Variants in RAB11FIP3 observed in about 807,000 individuals in gnomAD.
The protein encoded by RAB11FIP3 is RAB11 family interacting protein 3, also known as rab11 family-interacting protein 3.
In RAB11FIP3, 17 loss-of-function variants were observed where a neutral mutation model predicts 77.8. The ratio of observed to expected loss-of-function variants is 0.22; its 90% CI spans 0.15 to 0.33. The LOEUF is 0.33. RAB11FIP3 is among the 10% of genes least tolerant of loss of function. The pLI, the probability that RAB11FIP3 is intolerant of heterozygous loss-of-function variation, is 1.00. For synonymous variants in RAB11FIP3, 437 were observed against 448.2 expected, an observed-to-expected ratio of 0.98 and a Z score of 0.31; for missense variants, 1,005 against 1,011.2, an observed-to-expected ratio of 0.99 and a Z score of 0.08.
chr16:461,738 C>T lies in RAB11FIP3; in HGVS notation c.808+241C>T, dbSNP rs1212499471. Among the ~76,000 whole-genome samples, 1 of 152,100 alleles carries T rather than the reference C, an allele frequency of 6.6e-6. No individual in the cohort carries two copies. Among genetic ancestry groups the T allele is most frequent in the Non-Finnish European group, 1.5e-5 (1 of 68,030 alleles). On this transcript the variant is annotated intron_variant, in intron 2 of 13. Coordinates refer to ENST00000262305, the MANE Select transcript of RAB11FIP3 (RefSeq NM_014700.4). The surrounding 1 kb of genome is among the most constrained non-coding windows in gnomAD (Gnocchi z 4.5). ...TTCCATAATGCTAGAAAGCAACTGC[C>T]CCCTTCCTCAAAGATTTCATGATGA...
intron 5 of RAB11FIP3, 146 bp downstream of exon 5, chr16:489,146 A>T: frequency 2.1e-6 from 2 of 950,566 alleles, no homozygotes; most frequent in Non-Finnish European, 1.5e-6. Context: ...CAAACATTTT[A>T]AATTTATACC....
At chr16:489,163 T>A in intron 5 of RAB11FIP3, 163 bp downstream of exon 5, 1 of 884,114 alleles carries the variant, frequency 1.1e-6, no homozygotes, top group Non-Finnish European at 1.6e-6. Flanking sequence ...TACCTGGATT[T>A]ATGAAAGTTG....
chr16:441,350 C>G (rs2055223555), intron 1 of RAB11FIP3, among the ~76,000 whole-genome samples: 1 of 152,178 alleles, frequency 6.6e-6, no homozygotes, highest in Non-Finnish European at 1.5e-5. Flanking sequence ...CACGATTAAA[C>G]AAACCCATGC....
At chr16:491,406 C>T (rs1210328409) in intron 5 of RAB11FIP3, 1 of 892,344 alleles carries the variant, frequency 1.1e-6, no homozygotes, top group Non-Finnish European at 1.5e-6. Flanking sequence ...GCCCCGCCTC[C>T]CACCCTGCAC....
chr16:432,082 C>A (rs2055046581), intron 1 of RAB11FIP3, among the ~76,000 whole-genome samples: 1 of 151,758 alleles, frequency 6.6e-6, no homozygotes, highest in South Asian at 2.1e-4. Context: ...TATAGATGTT[C>A]ATTGTTTTAA....
chr16:520,723 C>T lies in RAB11FIP3; in HGVS notation c.2158-3C>T, dbSNP rs371860609. 5.0e-6 allele frequency: 8 copies of T among 1,613,432 alleles called. No homozygotes were observed. The highest frequency in any genetic ancestry group is 1.7e-5 in the Admixed American group (1 of 60,004). ...CAGCTCTGACCACCTGCTTGCCCTA[C>T]AGCTCATGGAGGCGATTCAGAAGCA... On this transcript the variant is annotated splice_region_variant and splice_polypyrimidine_tract_variant and intron_variant, in intron 13 of 13. Coordinates refer to ENST00000262305, the MANE Select transcript of RAB11FIP3 (RefSeq NM_014700.4).
Position 450,505 on chromosome 16 carries a change from T to C in RAB11FIP3, c.715-10899T>C, listed in dbSNP as rs148728896. Among the ~76,000 whole-genome samples, 710 of 152,324 alleles carry C rather than the reference T, an allele frequency of 4.7e-3. 2 individuals are homozygous for C. Among genetic ancestry groups the C allele is most frequent in the African/African-American group, 0.016 (670 of 41,562 alleles). On this transcript the variant is annotated intron_variant, in intron 1 of 13. Coordinates refer to ENST00000262305, the MANE Select transcript of RAB11FIP3 (RefSeq NM_014700.4). ...AAGTATTGGATAACTTTTTAGTTTCTTTTTCTTCCTCCTTTACTTCCGCTC... is the reference window on the plus strand; with the variant it reads ...AAGTATTGGATAACTTTTTAGTTTCCTTTTCTTCCTCCTTTACTTCCGCTC...
Position 510,775 on chromosome 16 carries a change from A to T in RAB11FIP3, c.1615A>T (p.Ile539Phe). ...LLCKMEREKS[I>F]EIENLQTRLQ... The stretch of plus-strand genomic sequence containing the variant: ...GTGCAAGATGGAGAGGGAGAAGAGC[A>T]TTGAGATCGAGAACCTGCAGACCAG... Residue 539 changes from isoleucine (I) to phenylalanine (F), a missense_variant, in exon 9 of 14, where the codon ATT becomes TTT. Physicochemically the swap from Ile to Phe is conservative, Grantham distance 21. Transcript: ENST00000262305. 6.2e-7 allele frequency: 1 copy of T among 1,613,356 alleles called. No individual in the cohort carries two copies. The highest frequency in any genetic ancestry group is 8.5e-7 in the Non-Finnish European group (1 of 1,179,816).
Position 499,951 on chromosome 16 carries a change from GGAA to G in RAB11FIP3, c.1302-3050_1302-3048del, listed in dbSNP as rs552254054. ...CCCCAAATCTGCCACAAGAGGCTAA[GGAA>G]GAGCAAAATAAACGTCGCGATTCGC... On this transcript the variant is annotated intron_variant, in intron 6 of 13. Coordinates refer to ENST00000262305, the MANE Select transcript of RAB11FIP3 (RefSeq NM_014700.4). Among the ~76,000 whole-genome samples, 776 of 152,344 alleles carry G rather than the reference GGAA, an allele frequency of 5.1e-3. 2 individuals carry two copies. Among genetic ancestry groups the G allele is most frequent in the Non-Finnish European group, 8.2e-3 (556 of 68,030 alleles).
intron 7 of RAB11FIP3, among the ~76,000 whole-genome samples, chr16:503,691 C>A (rs921883705): frequency 1.3e-5 from 2 of 152,002 alleles, no homozygotes; most frequent in African/African-American, 4.8e-5. Flanking sequence ...ATCAGCCTGG[C>A]CAACATAGTG....
chr16:476,737 A>C (rs1033365486), intron 3 of RAB11FIP3, among the ~76,000 whole-genome samples: 13 of 149,858 alleles, frequency 8.7e-5, no homozygotes, highest in Admixed American at 5.4e-4. Context: ...AGATTGCGCC[A>C]CTGCACTCCA....
intron 1 of RAB11FIP3, among the ~76,000 whole-genome samples, chr16:436,482 ATTTG>A (rs2055130264): frequency 6.6e-6 from 1 of 151,682 alleles, no homozygotes; most frequent in South Asian, 2.1e-4. Flanking sequence ...TTATTTATTT[ATTTG>A]TTTATTTATT....
chr16:437,183 C>T (rs1019555998), intron 1 of RAB11FIP3, among the ~76,000 whole-genome samples: 18 of 151,902 alleles, frequency 1.2e-4, no homozygotes, highest in Admixed American at 3.3e-4. Context: ...GAGGCTAAGG[C>T]AGGAGAATCG....
intron 1 of RAB11FIP3, among the ~76,000 whole-genome samples, chr16:438,843 C>A (rs2055177539): frequency 6.6e-6 from 1 of 152,200 alleles, no homozygotes; most frequent in South Asian, 2.1e-4. Context: ...GCACGCGCCA[C>A]CACGCCCAGC....
Position 505,691 on chromosome 16 carries a change from C to A in RAB11FIP3, c.1499+64C>A. The A allele has an allele frequency of 1.5e-6, 2 of 1,360,034 alleles. No individual in the cohort carries two copies. The highest frequency in any genetic ancestry group is 2.0e-6 in the Non-Finnish European group (2 of 994,930). 84.2% of individuals were successfully genotyped at this position (1,360,034 alleles called of 1,614,324 possible). ...CCTCCTGTGCCCGCCTGTCAGCCCC[C>A]ATTTACTTCTCTTTACCTCACACAG... On this transcript the variant is annotated intron_variant, in intron 8 of 13. Transcript: ENST00000262305. The surrounding 1 kb of genome is among the most constrained non-coding windows in gnomAD (Gnocchi z 4.0).
At chr16:475,078 C>T (rs1308543080) in intron 3 of RAB11FIP3, 1 of 1,551,392 alleles carries the variant, frequency 6.4e-7, no homozygotes, top group Non-Finnish European at 8.7e-7. Context: ...CCTGTGAGGC[C>T]ACCCGGGCCA....
chr16:444,783 G>A (rs947038337), intron 1 of RAB11FIP3, among the ~76,000 whole-genome samples: 2 of 151,754 alleles, frequency 1.3e-5, no homozygotes, highest in Non-Finnish European at 2.9e-5. Context: ...TCAGGAGTTC[G>A]AGACCAGCCT....
intron 5 of RAB11FIP3, among the ~76,000 whole-genome samples, chr16:492,958 A>G (rs536632049): frequency 2.0e-5 from 3 of 152,192 alleles, no homozygotes; most frequent in African/African-American, 4.8e-5. Context: ...CTAAGACTCT[A>G]TGAAGCGGGC....
chr16:510,251 G>A (rs575461492), intron 8 of RAB11FIP3, among the ~76,000 whole-genome samples: 109 of 149,592 alleles, frequency 7.3e-4, no homozygotes, highest in Middle Eastern at 3.6e-3. Flanking sequence ...CCGTCCCGAG[G>A]CTCCGTGCCT....
Sources: allele counts gnomAD v4.1 joint callset (sites outside exome capture counted in the v4.1 genomes callset), GRCh38; gene constraint gnomAD v4.1.1; non-coding constraint Gnocchi (gnomAD v3.1); transcripts MANE v1.5; gene names NCBI Gene and HGNC (gene_info 2026-07-23, HGNC 2026-07-21).